Variants in SEMA3E observed in about 807,000 individuals in gnomAD.
The protein encoded by SEMA3E is semaphorin 3E.
Under a neutral mutation model 93.6 loss-of-function variants are expected in SEMA3E, and 49 were observed. That is an observed-to-expected ratio of 0.52 (90% CI 0.42 to 0.66). SEMA3E has a LOEUF of 0.66. SEMA3E is among the 30% of genes least tolerant of loss of function. SEMA3E has a pLI of 0.00. For synonymous variants in SEMA3E, 363 were observed against 330.7 expected (o/e 1.10, Z -1.06); for missense variants, 906 against 964.8 (o/e 0.94, Z 0.81).
intron 1 of SEMA3E, among the ~76,000 whole-genome samples, chr7:83,519,674 A>C (rs772147439): frequency 5.3e-5 from 8 of 152,108 alleles, no homozygotes; most frequent in Non-Finnish European, 1.0e-4. Flanking sequence ...CATTTATCAT[A>C]CTGAGTTTTA....
At chr7:83,603,347 A>G (rs1272394741) in intron 1 of SEMA3E, among the ~76,000 whole-genome samples, 2 of 152,134 alleles carry the variant, frequency 1.3e-5, no homozygotes, top group Admixed American at 1.3e-4. Flanking sequence ...ACAAGACATA[A>G]AAGAGAGTAA....
intron 1 of SEMA3E, among the ~76,000 whole-genome samples, chr7:83,513,574 C>T (rs908861308): frequency 6.6e-6 from 1 of 152,036 alleles, no homozygotes; most frequent in African/African-American, 2.4e-5. Flanking sequence ...GTCTGGGAGA[C>T]TATATTTAGG....
chr7:83,513,211 T>G (rs929110281), intron 1 of SEMA3E, among the ~76,000 whole-genome samples: 1 of 152,198 alleles, frequency 6.6e-6, no homozygotes, highest in African/African-American at 2.4e-5. Flanking sequence ...GCTTTCTAGT[T>G]TTCAGGCTCA....
intron 4 of SEMA3E, among the ~76,000 whole-genome samples, chr7:83,462,763 C>T (rs1403442429): frequency 7.0e-5 from 10 of 143,726 alleles, no homozygotes; most frequent in Non-Finnish European, 1.1e-4. Context: ...TTTTACCTGT[C>T]CTAAAACCAG....
At chr7:83,462,590 G>A (rs1248630702) in intron 4 of SEMA3E, among the ~76,000 whole-genome samples, 3 of 151,764 alleles carry the variant, frequency 2.0e-5, no homozygotes, top group African/African-American at 7.3e-5. Context: ...CTTGGCGACC[G>A]ACCATGCACC....
chr7:83,479,812 C>G (rs1790105974), intron 2 of SEMA3E, among the ~76,000 whole-genome samples: 1 of 152,154 alleles, frequency 6.6e-6, no homozygotes. Flanking sequence ...ACACTCTGGT[C>G]TCTGCTCTCT....
intron 1 of SEMA3E, among the ~76,000 whole-genome samples, chr7:83,545,603 CA>C (rs139504426): frequency 0.33 from 48,095 of 146,152 alleles, 9,431 homozygotes; most frequent in African/African-American, 0.55. Flanking sequence ...ATGTGCCAGT[CA>C]AAACTAGGGA....
rs1006394512 is a variant in SEMA3E, at chr7:83,365,684, T to C, written c.*1902A>G. The C allele has an allele frequency of 2.0e-5, 3 of 152,180 alleles. No homozygotes were observed. Among genetic ancestry groups the C allele is most frequent in the Non-Finnish European group, 4.4e-5 (3 of 68,008 alleles). The allele number at this position is 152,180 out of a possible 1,614,324, so 9.4% of individuals were successfully genotyped here. The stretch of plus-strand genomic sequence containing the variant: ...GTTATTGCAATTAAAATGATAACTA[T>C]TTATGTCTTATCTGCCTTTTTAATT... On this transcript the variant is annotated 3_prime_UTR_variant, in exon 17 of 17. Coordinates refer to ENST00000643230, the MANE Select transcript of SEMA3E (RefSeq NM_012431.3).
At chr7:83,648,234 T>A (rs1794105376) in intron 1 of SEMA3E, among the ~76,000 whole-genome samples, 194 bp downstream of exon 1, 1 of 152,132 alleles carries the variant, frequency 6.6e-6, no homozygotes, top group Admixed American at 6.6e-5. Context: ...TTGCACTGTT[T>A]TCAGATGAGG....
At chr7:83,631,410 C>T (rs2115673959) in intron 1 of SEMA3E, among the ~76,000 whole-genome samples, 1 of 152,206 alleles carries the variant, frequency 6.6e-6, no homozygotes, top group South Asian at 2.1e-4. Flanking sequence ...CTTCCAAATA[C>T]TGACATTTTA....
chr7:83,377,007 T>C (rs1213225851), intron 16 of SEMA3E, among the ~76,000 whole-genome samples: 1 of 152,004 alleles, frequency 6.6e-6, no homozygotes, highest in Non-Finnish European at 1.5e-5. Flanking sequence ...GCATAGATGA[T>C]ATTTTATGTG....
At chr7:83,419,694 T>C (rs572720078) in intron 4 of SEMA3E, among the ~76,000 whole-genome samples, 20 of 152,292 alleles carry the variant, frequency 1.3e-4, no homozygotes, top group African/African-American at 4.8e-4. Context: ...ATATGGAGCA[T>C]TTTTTAATGT....
chr7:83,401,996 G>C (rs910909659), intron 10 of SEMA3E, among the ~76,000 whole-genome samples: 1 of 152,004 alleles, frequency 6.6e-6, no homozygotes, highest in Admixed American at 6.6e-5. Flanking sequence ...AAGACTTCAT[G>C]CCTAGCTAAG....
chr7:83,370,736 C>T (rs1206782567), intron 16 of SEMA3E, among the ~76,000 whole-genome samples: 2 of 152,112 alleles, frequency 1.3e-5, no homozygotes, highest in African/African-American at 2.4e-5. Flanking sequence ...TTATTACCTT[C>T]GTTTCGCCTG....
intron 1 of SEMA3E, among the ~76,000 whole-genome samples, chr7:83,637,711 C>A (rs180691514): frequency 9.2e-5 from 14 of 151,872 alleles, no homozygotes; most frequent in Non-Finnish European, 1.6e-4. Context: ...TGTAAGTTTC[C>A]TGAGGCCTCC....
chr7:83,396,800 C>T (rs1584219023), intron 11 of SEMA3E, 71 bp from the exon 12 acceptor site: 2 of 1,046,226 alleles, frequency 1.9e-6, no homozygotes, highest in African/African-American at 1.5e-5. Context: ...AACCATGTAG[C>T]TGGCTGGGTG....
chr7:83,410,822 T>C (rs1788425662), intron 5 of SEMA3E, among the ~76,000 whole-genome samples: 2 of 152,114 alleles, frequency 1.3e-5, no homozygotes, highest in Non-Finnish European at 2.9e-5. Flanking sequence ...TATTTTTGTT[T>C]TTAATTATTA....
chr7:83,444,717 C>A (rs1174509056), intron 4 of SEMA3E, among the ~76,000 whole-genome samples: 2 of 145,736 alleles, frequency 1.4e-5, no homozygotes, highest in African/African-American at 5.0e-5. Context: ...GTCACCCATG[C>A]CAGAGTGCAG....
chr7:83,450,287 A>G (rs186655477), intron 4 of SEMA3E, among the ~76,000 whole-genome samples: 71 of 152,298 alleles, frequency 4.7e-4, no homozygotes, highest in Admixed American at 2.4e-3. Context: ...CTAAAAACAC[A>G]CCCATAAGTT....
Sources: allele counts gnomAD v4.1 joint callset (sites outside exome capture counted in the v4.1 genomes callset), GRCh38; gene constraint gnomAD v4.1.1; transcripts MANE v1.5; gene names NCBI Gene and HGNC (gene_info 2026-07-23, HGNC 2026-07-21).